Variants in RYR3 observed in about 807,000 individuals in gnomAD.
RYR3 encodes brain ryanodine receptor-calcium release channel.
Under a neutral mutation model 584.3 loss-of-function variants are expected in RYR3, and 207 were observed. The ratio of observed to expected loss-of-function variants is 0.35; its 90% CI spans 0.32 to 0.40. The LOEUF (loss-of-function observed/expected upper bound fraction) is 0.40. RYR3 is among the 10% of genes least tolerant of loss of function. The pLI is 1.00. For synonymous variants in RYR3, 2,416 were observed against 2,248.5 expected (o/e 1.07, Z -2.11); for missense variants, 5,616 against 6,089.2 (o/e 0.92, Z 2.59).
chr15:33,426,791 A>G (rs997458205), intron 1 of RYR3, among the ~76,000 whole-genome samples: 1 of 152,308 alleles, frequency 6.6e-6, no homozygotes, highest in East Asian at 1.9e-4. Context: ...AGAAATTTAT[A>G]TCTCTCAGTT....
intron 1 of RYR3, among the ~76,000 whole-genome samples, chr15:33,325,956 C>G (rs1423710177): frequency 6.6e-6 from 1 of 152,072 alleles, no homozygotes; most frequent in African/African-American, 2.4e-5. Flanking sequence ...CATGTGCCAC[C>G]ATGCCTCGCT....
chr15:33,523,189 A>G (rs1039440404), intron 3 of RYR3, among the ~76,000 whole-genome samples: 3 of 152,142 alleles, frequency 2.0e-5, no homozygotes, highest in Non-Finnish European at 4.4e-5. Context: ...CACTCTGTAA[A>G]ATGGACCTAT....
rs201466342 is a variant in RYR3, at chr15:33,739,956, C to G, written c.7781C>G (p.Ala2594Gly). The change falls in exon 51 of 104, where the codon GCG becomes GGG. Residue 2594 changes from alanine (A) to glycine (G), a missense_variant. Around this residue, in one of 9 missense-constraint regions of RYR3, gnomAD observed 1,280 missense variants for 1,426.2 expected, o/e 0.90. Coordinates refer to ENST00000634891, the MANE Select transcript of RYR3 (RefSeq NM_001036.6). ...ATLEKQISVD[A>G]DGNFDPKPIN... ...TTGGAGAAACAGATCTCAGTGGATG[C>G]GGATGGCAACTTTGACCCAAAACCT... 8 of 1,613,802 alleles carry G rather than the reference C, an allele frequency of 5.0e-6. No homozygotes were observed. The highest frequency in any genetic ancestry group is 6.8e-6 in the Non-Finnish European group (8 of 1,179,786).
intron 44 of RYR3, 54 bp downstream of exon 44, chr15:33,722,949 A>G (rs1005992929): frequency 1.2e-5 from 17 of 1,433,914 alleles, no homozygotes; most frequent in African/African-American, 5.7e-5. Flanking sequence ...GCTCTCAGAT[A>G]TTATTGGTAT....
intron 1 of RYR3, among the ~76,000 whole-genome samples, chr15:33,407,800 C>A (rs900735760): frequency 6.6e-6 from 1 of 152,020 alleles, no homozygotes; most frequent in Admixed American, 6.6e-5. Flanking sequence ...GCATTTATTC[C>A]CGGCATGGAC....
At chr15:33,448,740 T>G (rs2046873676) in intron 1 of RYR3, among the ~76,000 whole-genome samples, 1 of 151,998 alleles carries the variant, frequency 6.6e-6, no homozygotes, top group African/African-American at 2.4e-5. Flanking sequence ...GTAAGAGAAT[T>G]ATGGTTTTGG....
intron 60 of RYR3, among the ~76,000 whole-genome samples, chr15:33,767,641 G>A (rs982007893): frequency 1.4e-4 from 22 of 152,224 alleles, no homozygotes; most frequent in African/African-American, 4.3e-4. Context: ...AAGGAGCTCC[G>A]TGATGAGTTA....
At chr15:33,318,086 G>C (rs1481119899) in intron 1 of RYR3, among the ~76,000 whole-genome samples, 1 of 151,762 alleles carries the variant, frequency 6.6e-6, no homozygotes, top group Non-Finnish European at 1.5e-5. Flanking sequence ...TCTTCCCTCT[G>C]GGGTGACAGC....
rs756272113 is a variant in RYR3, at chr15:33,662,674, G to T, written c.5144G>T (p.Gly1715Val). The change falls in exon 35 of 104, where the codon GGG (glycine) becomes GTG (valine). Residue 1715 changes from glycine (G) to valine (V), a missense_variant. Coordinates refer to ENST00000634891, the MANE Select transcript of RYR3 (RefSeq NM_001036.6). ...GGGGCCCACATCCGAGACCCTGTAG[G>T]GGGGTCTGTGGAGTTCCAGTTTGTG... ...CSGAHIRDPVGGSVEFQFVPV... is the reference protein window; with the variant it reads ...CSGAHIRDPVVGSVEFQFVPV... The T allele has an allele frequency of 6.2e-7, 1 of 1,614,180 alleles. No individual in the cohort carries two copies. Among genetic ancestry groups the T allele is most frequent in the Non-Finnish European group, 8.5e-7 (1 of 1,180,008 alleles).
At chr15:33,677,885 G>A (rs1344488839) in intron 38 of RYR3, among the ~76,000 whole-genome samples, 1 of 152,220 alleles carries the variant, frequency 6.6e-6, no homozygotes, top group Non-Finnish European at 1.5e-5. Context: ...GACTGGGGCA[G>A]TTTTGTGGGA....
chr15:33,351,261 A>T (rs900893459), intron 1 of RYR3, among the ~76,000 whole-genome samples: 7 of 152,222 alleles, frequency 4.6e-5, no homozygotes, highest in African/African-American at 1.7e-4. Flanking sequence ...AATTGTGGCA[A>T]TAATCAATAT....
intron 55 of RYR3, among the ~76,000 whole-genome samples, chr15:33,749,748 T>G (rs561408496): frequency 7.9e-5 from 12 of 152,134 alleles, no homozygotes; most frequent in Non-Finnish European, 1.2e-4. Flanking sequence ...GCCAGAATAA[T>G]AAGTTACAAG....
intron 1 of RYR3, among the ~76,000 whole-genome samples, chr15:33,325,426 T>G (rs1969541484): frequency 6.6e-6 from 1 of 152,142 alleles, no homozygotes; most frequent in Admixed American, 6.5e-5. Flanking sequence ...CAAGATTAAT[T>G]TTTGTTTGGC....
chr15:33,529,164 T>C (rs1029726366), intron 3 of RYR3, among the ~76,000 whole-genome samples: 2 of 152,240 alleles, frequency 1.3e-5, no homozygotes, highest in Non-Finnish European at 2.9e-5. Flanking sequence ...TTTTAAAATA[T>C]TGTGAAGAGC....
chr15:33,817,081 A>T, intron 75 of RYR3, 123 bp downstream of exon 75: 4 of 610,396 alleles, frequency 6.6e-6, no homozygotes, highest in Non-Finnish European at 8.8e-6. Flanking sequence ...GAAAAGCACT[A>T]ACTGTGTAAG....
chr15:33,754,751 A>G (rs1345199697), intron 57 of RYR3, among the ~76,000 whole-genome samples: 3 of 137,144 alleles, frequency 2.2e-5, no homozygotes, highest in African/African-American at 3.2e-5. Flanking sequence ...GATTCCATCT[A>G]ATTTATATTT....
intron 102 of RYR3, 94 bp downstream of exon 102, chr15:33,861,272 C>A (rs1019877157): frequency 1.1e-6 from 1 of 911,896 alleles, no homozygotes; most frequent in Non-Finnish European, 1.7e-6. Context: ...AAAAGAGTAA[C>A]CAGAAAGGAA....
intron 1 of RYR3, among the ~76,000 whole-genome samples, chr15:33,415,891 A>G (rs1389822362): frequency 2.0e-5 from 3 of 151,938 alleles, no homozygotes; most frequent in African/African-American, 7.3e-5. Context: ...TGGATTCCCC[A>G]GTGTTCATTG....
At chr15:33,492,482 T>C (rs148604263) in intron 2 of RYR3, among the ~76,000 whole-genome samples, 2,385 of 149,524 alleles carry the variant, frequency 0.016, 61 homozygotes, top group African/African-American at 0.056. Context: ...AAAAATGCCA[T>C]GTAGGAGCAA....
Sources: allele counts gnomAD v4.1 joint callset (sites outside exome capture counted in the v4.1 genomes callset), GRCh38; gene constraint gnomAD v4.1.1; regional missense constraint gnomAD v4.1.1; transcripts MANE v1.5; gene names NCBI Gene and HGNC (gene_info 2026-07-23, HGNC 2026-07-21).